The following HTR2C variants were observed in gnomAD, a reference collection of about 807,000 sequenced individuals.
The protein encoded by HTR2C is 5-hydroxytryptamine (serotonin) receptor 2C, G protein-coupled.
A neutral mutation model predicts 21.0 loss-of-function variants in HTR2C; 5 were observed. The ratio of observed to expected loss-of-function variants is 0.24; its 90% CI spans 0.12 to 0.50. HTR2C has a LOEUF of 0.50. Ranked by LOEUF, HTR2C falls within the 20% of genes least tolerant of loss-of-function variation. The pLI, the probability that HTR2C is intolerant of heterozygous loss-of-function variation, is 0.98. For synonymous variants in HTR2C, 150 were observed against 145.3 expected, an observed-to-expected ratio of 1.03 and a Z score of -0.23; for missense variants, 271 against 371.2, an observed-to-expected ratio of 0.73 and a Z score of 2.22.
intron 4 of HTR2C, among the ~76,000 whole-genome samples, chrX:114,834,635 C>G (rs1350777112): frequency 1.9e-5 from 2 of 104,753 alleles, no homozygotes; most frequent in Non-Finnish European, 3.9e-5. Flanking sequence ...ATACAGCACA[C>G]TGATGGGTCT....
chrX:114,584,818 G>T (rs1927320854), intron 1 of HTR2C, among the ~76,000 whole-genome samples, 159 bp downstream of exon 1: 1 of 110,620 alleles, frequency 9.0e-6, no homozygotes, highest in Non-Finnish European at 1.9e-5. Flanking sequence ...CGCAAATCGC[G>T]AGGAGACTGA....
chrX:114,813,394 A>G (rs2070553645), intron 4 of HTR2C, among the ~76,000 whole-genome samples: 1 of 111,881 alleles, frequency 8.9e-6, no homozygotes, highest in African/African-American at 3.3e-5. Flanking sequence ...GATACAGTCC[A>G]AATTGGAGTA....
intron 4 of HTR2C, among the ~76,000 whole-genome samples, chrX:114,746,989 A>G (rs782259388): frequency 9.0e-6 from 1 of 111,130 alleles, no homozygotes; most frequent in South Asian, 3.8e-4. Flanking sequence ...CGTCTCAAAA[A>G]AAAAGAAAGA....
chrX:114,819,361 A>G (rs1325367172), intron 4 of HTR2C, among the ~76,000 whole-genome samples: 2 of 111,988 alleles, frequency 1.8e-5, no homozygotes, highest in East Asian at 2.8e-4. Context: ...GGAGAGAAAA[A>G]AATTTATTTC....
intron 1 of HTR2C, chrX:114,590,060 C>G (rs1398997685): frequency 7.3e-6 from 1 of 137,090 alleles, no homozygotes; most frequent in African/African-American, 3.2e-5. Flanking sequence ...CCTTTTCATA[C>G]TAGAGTCAGG....
chrX:114,776,665 G>T, intron 4 of HTR2C: 1 of 497,945 alleles, frequency 2.0e-6, no homozygotes. Context: ...AGCTTGGAGT[G>T]GTTCAGTTTC....
At chrX:114,611,038 T>A (rs1380683813) in intron 1 of HTR2C, among the ~76,000 whole-genome samples, 3 of 112,307 alleles carry the variant, frequency 2.7e-5, no homozygotes, top group Non-Finnish European at 5.6e-5. Flanking sequence ...GAAATTTTTT[T>A]AAAGAATATC....
chrX:114,793,449 A>T (rs1556444227), intron 4 of HTR2C, among the ~76,000 whole-genome samples: 2 of 111,877 alleles, frequency 1.8e-5, no homozygotes, highest in African/African-American at 6.5e-5. Flanking sequence ...AGGACAATTA[A>T]CTTTTCATAG....
At chrX:114,786,204 C>A (rs2070172851) in intron 4 of HTR2C, among the ~76,000 whole-genome samples, 1 of 111,703 alleles carries the variant, frequency 9.0e-6, no homozygotes, top group Admixed American at 9.5e-5. Context: ...GCCATAGGAA[C>A]TCTTATATAC....
chrX:114,762,372 A>G (rs1288231103), intron 4 of HTR2C, among the ~76,000 whole-genome samples: 1 of 111,153 alleles, frequency 9.0e-6, no homozygotes, highest in Non-Finnish European at 1.9e-5. Context: ...CTGGAGTCCA[A>G]GTTGTCCTAA....
chrX:114,677,163 T>G (rs1931588630), intron 2 of HTR2C, among the ~76,000 whole-genome samples: 1 of 111,579 alleles, frequency 9.0e-6, no homozygotes, highest in Non-Finnish European at 1.9e-5. Flanking sequence ...CTAAAGAGTT[T>G]GGGTTTTACT....
At chrX:114,795,133 A>G (rs1471547395) in intron 4 of HTR2C, among the ~76,000 whole-genome samples, 3 of 111,309 alleles carry the variant, frequency 2.7e-5, no homozygotes, top group East Asian at 5.7e-4. Flanking sequence ...GCCAGTGATG[A>G]TGAGCATTTT....
Position 114,710,647 on chromosome X carries a change from T to A in HTR2C, c.-79-16211T>A, listed in dbSNP as rs782122484. ...AATCAGCAAATGGAAACAATTATTATGTATCTGTTTTTAATAGTTTTTCTT... is the reference window on the plus strand; with the variant it reads ...AATCAGCAAATGGAAACAATTATTAAGTATCTGTTTTTAATAGTTTTTCTT... On this transcript the variant is annotated intron_variant, in intron 2 of 5. Transcript: ENST00000276198. Among the ~76,000 whole-genome samples, 4 of 111,942 alleles carry A rather than the reference T, an allele frequency of 3.6e-5. No individual in the cohort carries two copies. The South Asian group carries it at 1.5e-3, about 42-fold the overall frequency.
Position 114,878,189 on chromosome X carries a change from A to G in HTR2C, c.551-28400A>G, listed in dbSNP as rs782633569. Among the ~76,000 whole-genome samples the G allele has an allele frequency of 8.1e-5, 9 of 110,669 alleles. No individual in the cohort carries two copies. The South Asian group carries it at 3.3e-3, about 41-fold the overall frequency. On this transcript the variant is annotated intron_variant, in intron 5 of 5. Coordinates refer to ENST00000276198, the MANE Select transcript of HTR2C (RefSeq NM_000868.4). ...TTGTTATAATCTTTTGATGAAATTAACCCTTTATCATTTTATAATAATCTT... is the reference window on the plus strand; with the variant it reads ...TTGTTATAATCTTTTGATGAAATTAGCCCTTTATCATTTTATAATAATCTT...
intron 2 of HTR2C, among the ~76,000 whole-genome samples, chrX:114,628,233 T>C (rs1265769149): frequency 9.2e-6 from 1 of 109,169 alleles, no homozygotes; most frequent in Non-Finnish European, 1.9e-5. Flanking sequence ...TATCTGTATC[T>C]ATCTATCTAT....
intron 2 of HTR2C, among the ~76,000 whole-genome samples, chrX:114,690,837 A>G (rs1556415021): frequency 9.0e-6 from 1 of 111,436 alleles, no homozygotes; most frequent in Non-Finnish European, 1.9e-5. Flanking sequence ...TAATACATTT[A>G]TCGTGTCATG....
chrX:114,860,881 C>T (rs782063705), intron 5 of HTR2C, among the ~76,000 whole-genome samples: 12 of 111,051 alleles, frequency 1.1e-4, no homozygotes, highest in African/African-American at 3.6e-4. Context: ...TGTCACTATG[C>T]TCTAGCTTGC....
intron 4 of HTR2C, among the ~76,000 whole-genome samples, chrX:114,806,076 A>G (rs1276152772): frequency 2.0e-5 from 2 of 101,904 alleles, no homozygotes; most frequent in African/African-American, 7.1e-5. Flanking sequence ...CCATATATAC[A>G]CCATATATAT....
chrX:114,641,661 A>G (rs1412840626), intron 2 of HTR2C, among the ~76,000 whole-genome samples: 1 of 112,198 alleles, frequency 8.9e-6, no homozygotes, highest in African/African-American at 3.2e-5. Flanking sequence ...AATTGCTCTC[A>G]AGAGCAGAGA....
Sources: allele counts gnomAD v4.1 joint callset (sites outside exome capture counted in the v4.1 genomes callset), GRCh38; gene constraint gnomAD v4.1.1; transcripts MANE v1.5; gene names NCBI Gene and HGNC (gene_info 2026-07-23, HGNC 2026-07-21).